Variants in DCAF6 observed in about 807,000 individuals in gnomAD.
The protein encoded by DCAF6 is DDB1 and CUL4 associated factor 6.
In DCAF6, 54 loss-of-function variants were observed where a neutral mutation model predicts 125.1. That is an observed-to-expected ratio of 0.43 (90% confidence interval 0.35 to 0.54). The LOEUF is 0.54. Ranked by LOEUF, DCAF6 falls within the 20% of genes least tolerant of loss-of-function variation. The pLI is 0.01. For missense variants in DCAF6, 934 were observed against 1,161.7 expected (o/e 0.80, Z 2.85); for synonymous variants, 371 against 390.4 (o/e 0.95, Z 0.58).
chr1:167,900,512 T>C, the DCAF6 span, among the ~76,000 whole-genome samples: 4 of 152,148 alleles, frequency 2.6e-5, no homozygotes, highest in African/African-American at 9.7e-5. Flanking sequence ...TGATTTTTTT[T>C]TCAACAAAAT....
At chr1:167,869,754 G>C in the DCAF6 span, among the ~76,000 whole-genome samples, 1 of 152,100 alleles carries the variant, frequency 6.6e-6, no homozygotes, top group East Asian at 1.9e-4. Context: ...GACCCCCTTA[G>C]AGTTGTGAGC....
At chr1:168,055,604 A>T (rs1242850031) in intron 17 of DCAF6, among the ~76,000 whole-genome samples, 2 of 92,212 alleles carry the variant, frequency 2.2e-5, no homozygotes, top group Admixed American at 1.4e-4. Context: ...TAACAATGTT[A>T]TCTTTGAATT....
the DCAF6 span, chr1:167,920,754 A>G: frequency 2.1e-6 from 2 of 932,412 alleles, no homozygotes; most frequent in Non-Finnish European, 1.6e-6. Context: ...TTTAGTGTCC[A>G]TTCATTAAGA....
chr1:168,025,784 T>A (rs1686261857), intron 12 of DCAF6, among the ~76,000 whole-genome samples: 1 of 152,204 alleles, frequency 6.6e-6, no homozygotes, highest in African/African-American at 2.4e-5. Context: ...AACTTCAAGA[T>A]GTAAATATAA....
intron 1 of DCAF6, among the ~76,000 whole-genome samples, chr1:167,947,286 T>C (rs1673217384): frequency 6.6e-6 from 1 of 152,048 alleles, no homozygotes. Context: ...GAAAGTGGTT[T>C]ATCAATTTTT....
the DCAF6 span, among the ~76,000 whole-genome samples, chr1:167,875,385 G>A: frequency 6.6e-6 from 1 of 151,998 alleles, no homozygotes; most frequent in African/African-American, 2.4e-5. Context: ...AAAGAACTCA[G>A]GTAGCATCTG....
At chr1:167,914,429 C>T in the DCAF6 span, among the ~76,000 whole-genome samples, 20 of 152,190 alleles carry the variant, frequency 1.3e-4, no homozygotes, top group Non-Finnish European at 1.0e-4. Context: ...CCAGAGCAAG[C>T]AAACACCTAA....
intron 2 of DCAF6, among the ~76,000 whole-genome samples, chr1:167,961,657 T>A (rs1434763771): frequency 6.6e-6 from 1 of 152,236 alleles, no homozygotes; most frequent in Non-Finnish European, 1.5e-5. Flanking sequence ...CCTTTTCTTG[T>A]CTTACTGCAT....
At chr1:167,972,179 C>T (rs573277370) in intron 3 of DCAF6, among the ~76,000 whole-genome samples, 2 of 152,266 alleles carry the variant, frequency 1.3e-5, no homozygotes, top group African/African-American at 4.8e-5. Flanking sequence ...ATTATAACTT[C>T]CCAAGTACAC....
chr1:168,073,998 T>G (rs1157232206), intron 21 of DCAF6, among the ~76,000 whole-genome samples: 1 of 149,004 alleles, frequency 6.7e-6, no homozygotes, highest in Non-Finnish European at 1.5e-5. Flanking sequence ...ATGAACAAAA[T>G]AAGATTTGAA....
chr1:167,934,048 C>G (rs1356236266), upstream of DCAF6, among the ~76,000 whole-genome samples: 1 of 152,202 alleles, frequency 6.6e-6, no homozygotes, highest in East Asian at 1.9e-4. Flanking sequence ...TATTTCCCTT[C>G]AAAGCCTAGC....
At chr1:167,967,185 A>G (rs1430652642) in intron 3 of DCAF6, among the ~76,000 whole-genome samples, 1 of 152,194 alleles carries the variant, frequency 6.6e-6, no homozygotes, top group East Asian at 1.9e-4. Flanking sequence ...TTAGTCTTTT[A>G]GAAAATTTAC....
intron 2 of DCAF6, among the ~76,000 whole-genome samples, chr1:167,961,976 T>C (rs1244909597): frequency 6.6e-6 from 1 of 152,238 alleles, no homozygotes; most frequent in East Asian, 1.9e-4. Context: ...TGTGTTATTT[T>C]GAACTTGTGT....
intron 4 of DCAF6, among the ~76,000 whole-genome samples, chr1:167,977,366 G>T (rs1270910157): frequency 6.6e-6 from 1 of 151,268 alleles, no homozygotes; most frequent in East Asian, 1.9e-4. Context: ...GTTTTGCTGG[G>T]CATGGATTTC....
At chr1:167,990,535 T>G (rs560351134) in intron 5 of DCAF6, among the ~76,000 whole-genome samples, 15 of 152,196 alleles carry the variant, frequency 9.9e-5, no homozygotes, top group Non-Finnish European at 2.1e-4. Flanking sequence ...AATTTTGAAT[T>G]TTTTACATTT....
At chr1:168,065,960 C>T (rs1692273097) in intron 19 of DCAF6, among the ~76,000 whole-genome samples, 1 of 152,168 alleles carries the variant, frequency 6.6e-6, no homozygotes, top group African/African-American at 2.4e-5. Flanking sequence ...AAAGTTTATT[C>T]TCCCAATATT....
the DCAF6 span, among the ~76,000 whole-genome samples, chr1:167,907,516 G>A: frequency 6.6e-6 from 1 of 152,164 alleles, no homozygotes; most frequent in Non-Finnish European, 1.5e-5. Flanking sequence ...TCCCAGAAGT[G>A]ACGTATTTCA....
the DCAF6 span, among the ~76,000 whole-genome samples, chr1:167,888,393 AG>A: frequency 6.6e-6 from 1 of 152,062 alleles, no homozygotes. Context: ...CCAATCTATA[AG>A]CATGGAATAT....
At chr1:168,060,067 T>A (rs1274815542) in intron 17 of DCAF6, among the ~76,000 whole-genome samples, 1 of 152,218 alleles carries the variant, frequency 6.6e-6, no homozygotes, top group African/African-American at 2.4e-5. Context: ...CCTTTTAAAA[T>A]TTAGGCTAAT....
Sources: allele counts gnomAD v4.1 joint callset (sites outside exome capture counted in the v4.1 genomes callset), GRCh38; gene constraint gnomAD v4.1.1; transcripts MANE v1.5; gene names NCBI Gene and HGNC (gene_info 2026-07-23, HGNC 2026-07-21).